Variants in SLC35F3 observed in about 807,000 individuals in gnomAD.
The protein encoded by SLC35F3 is solute carrier family 35 member F3.
In SLC35F3, 25 loss-of-function variants were observed where a neutral mutation model predicts 49.9. The ratio of observed to expected loss-of-function variants is 0.50; its 90% CI spans 0.37 to 0.70. The LOEUF is 0.70. SLC35F3 is among the 30% of genes least tolerant of loss of function. SLC35F3 has a pLI of 0.00. For missense variants in SLC35F3, 525 were observed against 639.8 expected (o/e 0.82, Z 1.94); for synonymous variants, 275 against 265.4 (o/e 1.04, Z -0.35).
At chr1:234,227,560 G>A (rs573633687) in intron 2 of SLC35F3, among the ~76,000 whole-genome samples, 8 of 152,098 alleles carry the variant, frequency 5.3e-5, no homozygotes, top group Admixed American at 1.3e-4. Context: ...CACCACGCCC[G>A]GCTAATTTTT....
chr1:233,971,836 G>A (rs1662999079), intron 2 of SLC35F3, among the ~76,000 whole-genome samples: 1 of 152,198 alleles, frequency 6.6e-6, no homozygotes, highest in Non-Finnish European at 1.5e-5. Context: ...ATGAGAGGGA[G>A]GCTGAGGCAC....
chr1:234,038,510 C>T (rs2199072), intron 2 of SLC35F3, among the ~76,000 whole-genome samples: 21,173 of 151,878 alleles, frequency 0.14, 4,223 homozygotes, highest in African/African-American at 0.45. Context: ...AATGGTATTT[C>T]TAGTTCTAGA....
At chr1:234,259,840 T>C (rs1019422149) in intron 3 of SLC35F3, among the ~76,000 whole-genome samples, 5 of 152,128 alleles carry the variant, frequency 3.3e-5, no homozygotes. Context: ...GCTATAGATA[T>C]CACTATATTC....
intron 3 of SLC35F3, among the ~76,000 whole-genome samples, chr1:234,297,743 CAA>C (rs57703297): frequency 0.2 from 25,026 of 124,216 alleles, 2,767 homozygotes; most frequent in African/African-American, 0.37. Flanking sequence ...TACCCTGTCT[CAA>C]AAAAAAAAAA....
At chr1:234,113,223 C>T (rs1027192735) in intron 2 of SLC35F3, among the ~76,000 whole-genome samples, 5 of 152,222 alleles carry the variant, frequency 3.3e-5, no homozygotes, top group Admixed American at 2.0e-4. Context: ...TTGCCATAAT[C>T]ATCAAAGTAA....
chr1:234,043,231 T>C lies in SLC35F3; in HGVS notation c.283+137473T>C, dbSNP rs542290482. Among the ~76,000 whole-genome samples, 5 of 152,328 alleles carry C rather than the reference T, an allele frequency of 3.3e-5. No homozygotes were observed. In the South Asian group the frequency reaches 1.0e-3, roughly 32 times the overall value. ...ATCTTTCCTAGGTATGCTCTTACAG[T>C]AGCAGTTGTCAAACATTTTGGTCTC... is the stretch of plus-strand genomic sequence containing the variant. On this transcript the variant is annotated intron_variant, in intron 2 of 7. Coordinates refer to ENST00000366618, the MANE Select transcript of SLC35F3 (RefSeq NM_173508.4).
chr1:234,191,998 A>T (rs1181344034), intron 2 of SLC35F3, among the ~76,000 whole-genome samples: 3 of 152,260 alleles, frequency 2.0e-5, no homozygotes, highest in Non-Finnish European at 4.4e-5. Flanking sequence ...CCAGGACCAG[A>T]TGGGTTCACA....
At chr1:233,994,458 T>C (rs113699240) in intron 2 of SLC35F3, among the ~76,000 whole-genome samples, 1 of 144,718 alleles carries the variant, frequency 6.9e-6, no homozygotes, top group African/African-American at 2.6e-5. Context: ...AATGTCAGAG[T>C]GTGGTGTGTA....
chr1:234,181,338 GAAAAAAAA>G (rs34757532), intron 2 of SLC35F3, among the ~76,000 whole-genome samples: 10 of 97,288 alleles, frequency 1.0e-4, no homozygotes, highest in African/African-American at 3.1e-4. Context: ...TCTGTCTCAA[GAAAAAAAA>G]AAAAAAAAAG....
chr1:234,292,771 T>G (rs1490862405), intron 3 of SLC35F3, among the ~76,000 whole-genome samples: 3 of 152,224 alleles, frequency 2.0e-5, no homozygotes, highest in Non-Finnish European at 4.4e-5. Flanking sequence ...GGAAGCATAG[T>G]GCAGGCGGGA....
intron 3 of SLC35F3, among the ~76,000 whole-genome samples, chr1:234,287,103 G>T (rs1470452707): frequency 1.3e-5 from 2 of 152,142 alleles, no homozygotes; most frequent in Non-Finnish European, 2.9e-5. Flanking sequence ...GGAGGCTGCG[G>T]TAGGAAGATC....
chr1:233,967,838 A>C (rs1214102142), intron 2 of SLC35F3, among the ~76,000 whole-genome samples: 1 of 152,244 alleles, frequency 6.6e-6, no homozygotes, highest in Non-Finnish European at 1.5e-5. Flanking sequence ...TAGTGTTTTC[A>C]TTATAAATCT....
chr1:234,063,975 A>C (rs1200132667), intron 2 of SLC35F3, among the ~76,000 whole-genome samples: 1 of 152,110 alleles, frequency 6.6e-6, no homozygotes, highest in Non-Finnish European at 1.5e-5. Flanking sequence ...TGTATTGTTA[A>C]CTGCACCTGG....
At chr1:233,974,159 G>C (rs1349160586) in intron 2 of SLC35F3, among the ~76,000 whole-genome samples, 2 of 148,568 alleles carry the variant, frequency 1.3e-5, no homozygotes, top group East Asian at 4.0e-4. Context: ...TACATTCCAG[G>C]ATGTATTTCT....
intron 2 of SLC35F3, among the ~76,000 whole-genome samples, chr1:233,908,004 G>C (rs1274663627): frequency 6.6e-6 from 1 of 152,180 alleles, no homozygotes; most frequent in African/African-American, 2.4e-5. Flanking sequence ...GGGATTATAG[G>C]CGTGAGCCAC....
At chr1:234,187,817 G>A (rs1477871980) in intron 2 of SLC35F3, among the ~76,000 whole-genome samples, 1 of 152,196 alleles carries the variant, frequency 6.6e-6, no homozygotes, top group Non-Finnish European at 1.5e-5. Flanking sequence ...AGGGCTGCCA[G>A]AGGAACTGGG....
At chr1:234,159,560 A>C (rs1446079725) in intron 2 of SLC35F3, among the ~76,000 whole-genome samples, 1 of 152,192 alleles carries the variant, frequency 6.6e-6, no homozygotes. Flanking sequence ...TCAAAAAAAA[A>C]AGAACCTATA....
At chr1:234,177,932 C>T (rs371702134) in intron 2 of SLC35F3, among the ~76,000 whole-genome samples, 152 of 152,292 alleles carry the variant, frequency 1.0e-3, no homozygotes, top group South Asian at 7.9e-3. Flanking sequence ...GATGGCATCT[C>T]TATCATTTCT....
At chr1:234,030,057 G>A (rs7524384) in intron 2 of SLC35F3, among the ~76,000 whole-genome samples, 26,051 of 152,040 alleles carry the variant, frequency 0.17, 4,201 homozygotes, top group African/African-American at 0.41. Flanking sequence ...AATTAAATAT[G>A]TATAATTAAA....
Sources: allele counts gnomAD v4.1 joint callset (sites outside exome capture counted in the v4.1 genomes callset), GRCh38; gene constraint gnomAD v4.1.1; transcripts MANE v1.5; gene names NCBI Gene and HGNC (gene_info 2026-07-23, HGNC 2026-07-21).